Variants in ASAP2 observed in about 807,000 individuals in gnomAD.
ASAP2 encodes arf-GAP with SH3 domain, ANK repeat and PH domain-containing protein 2.
In ASAP2, 45 loss-of-function variants were observed where a neutral mutation model predicts 131.4. The observed-to-expected ratio is 0.34, with a 90% CI of 0.27 to 0.44. The LOEUF (loss-of-function observed/expected upper bound fraction) is 0.44. Among genes scored for constraint, ASAP2 ranks in the 20% least tolerant of loss-of-function variants. The pLI is 1.00. For synonymous variants in ASAP2, 510 were observed against 503.0 expected, an observed-to-expected ratio of 1.01 and a Z score of -0.19; for missense variants, 1,011 against 1,297.0, an observed-to-expected ratio of 0.78 and a Z score of 3.39.
chr2:9,243,573 C>T (rs1309987768), intron 1 of ASAP2, among the ~76,000 whole-genome samples: 2 of 152,146 alleles, frequency 1.3e-5, no homozygotes, highest in Non-Finnish European at 1.5e-5. Context: ...TATTAAAATA[C>T]TTCCTAGGTC....
chr2:9,228,354 T>G (rs1464997231), intron 1 of ASAP2, among the ~76,000 whole-genome samples: 3 of 152,210 alleles, frequency 2.0e-5, no homozygotes, highest in African/African-American at 7.2e-5. Flanking sequence ...CCTACTCACT[T>G]GGTGTTATCC....
rs139323215 is a variant in ASAP2 at position 9,259,795 on chromosome 2, C to T, written c.127-19522C>T. On this transcript the variant is annotated intron_variant, in intron 1 of 27. Transcript: ENST00000281419. Reference sequence around the variant, plus strand: ...CATCTGAGGCCGACAGGCAAAGTAGCCCTGCACATCTGGGGCCAGGGATGG... The same window carrying T: ...CATCTGAGGCCGACAGGCAAAGTAGTCCTGCACATCTGGGGCCAGGGATGG... Among the ~76,000 whole-genome samples the T allele has an allele frequency of 8.3e-4, 127 of 152,348 alleles. 1 individual carries two copies. The East Asian group carries it at 0.021, about 25-fold the overall frequency.
At position 9,404,470 on chromosome 2, in the gene ASAP2, A is replaced by G. The variant is rs1316444982; in HGVS notation, c.*1143A>G. 6.6e-6 allele frequency: 1 copy of G among 152,264 alleles called. No homozygotes were observed. Among genetic ancestry groups the G allele is most frequent in the Admixed American group, 6.5e-5 (1 of 15,284 alleles). 9.4% of individuals were successfully genotyped at this position (152,264 alleles called of 1,614,324 possible). On this transcript the variant is annotated 3_prime_UTR_variant, in exon 28 of 28. Transcript: ENST00000281419. ...GTAGTAGAGGATTAGGTTGTCTATT[A>G]TAAAACCAAAACTCATTCGTTTAAT...
At chr2:9,214,239 TC>T (rs1233382213) in intron 1 of ASAP2, among the ~76,000 whole-genome samples, 1 of 152,228 alleles carries the variant, frequency 6.6e-6, no homozygotes, top group African/African-American at 2.4e-5. Flanking sequence ...CTTTTCTTTT[TC>T]TTTTTTATTT....
chr2:9,277,962 A>G (rs1248102981), intron 1 of ASAP2, among the ~76,000 whole-genome samples: 1 of 152,214 alleles, frequency 6.6e-6, no homozygotes, highest in Non-Finnish European at 1.5e-5. Flanking sequence ...AAACTGGTTC[A>G]AAAGGTGATT....
chr2:9,242,255 A>C (rs781158585), intron 1 of ASAP2, among the ~76,000 whole-genome samples: 5 of 152,228 alleles, frequency 3.3e-5, no homozygotes, highest in Non-Finnish European at 7.3e-5. Flanking sequence ...GACCTGGTCC[A>C]TGGGAAGTGC....
intron 1 of ASAP2, among the ~76,000 whole-genome samples, chr2:9,235,519 G>A (rs935505041): frequency 1.3e-5 from 2 of 152,192 alleles, no homozygotes; most frequent in African/African-American, 4.8e-5. Context: ...TTGTATGGCC[G>A]GAGGCTCCTT....
Position 9,268,626 on chromosome 2 carries a change from G to A in ASAP2, c.127-10691G>A, listed in dbSNP as rs1300324057. Among the ~76,000 whole-genome samples, 1 of 152,226 alleles carries A rather than the reference G, an allele frequency of 6.6e-6. No homozygotes were observed. Among genetic ancestry groups the A allele is most frequent in the Non-Finnish European group, 1.5e-5 (1 of 68,048 alleles). ...CTTTCTGAAGAGTCGAATGCGTGGTGAGACAAAGCTGCCATCTGAATGTCT... is the reference window on the plus strand; with the variant it reads ...CTTTCTGAAGAGTCGAATGCGTGGTAAGACAAAGCTGCCATCTGAATGTCT... On this transcript the variant is annotated intron_variant, in intron 1 of 27. Transcript: ENST00000281419. This position sits in a 1 kb window ranked among gnomAD's most constrained non-coding sequence, Gnocchi z 4.1.
intron 22 of ASAP2, 124 bp from the exon 23 acceptor site, chr2:9,390,937 GA>G: frequency 7.0e-7 from 1 of 1,422,130 alleles, no homozygotes; most frequent in Non-Finnish European, 9.7e-7. Flanking sequence ...GTTCTAGGTA[GA>G]AGGGTCATAC....
chr2:9,256,945 G>A (rs1292392985), intron 1 of ASAP2, among the ~76,000 whole-genome samples: 1 of 152,196 alleles, frequency 6.6e-6, no homozygotes, highest in African/African-American at 2.4e-5. Context: ...GGGCTGGGAG[G>A]GGGCAGCACA....
chr2:9,381,836 C>T (rs1323363821), intron 20 of ASAP2, among the ~76,000 whole-genome samples: 2 of 152,100 alleles, frequency 1.3e-5, no homozygotes, highest in South Asian at 2.1e-4. Context: ...CTTAGGAGTT[C>T]AAGACTACAG....
intron 3 of ASAP2, among the ~76,000 whole-genome samples, chr2:9,307,215 G>A (rs903961217): frequency 2.6e-5 from 4 of 152,140 alleles, no homozygotes; most frequent in Admixed American, 1.3e-4. Context: ...TTCTGATTCC[G>A]CAGGTCTGGG....
At chr2:9,321,411 A>C (rs1001671336) in intron 5 of ASAP2, among the ~76,000 whole-genome samples, 14 of 152,166 alleles carry the variant, frequency 9.2e-5, no homozygotes, top group Non-Finnish European at 1.9e-4. Flanking sequence ...TTGACTAGAG[A>C]ACCCTGCAGG....
chr2:9,239,699 CGTT>C (rs1456128571), intron 1 of ASAP2, among the ~76,000 whole-genome samples: 2 of 151,902 alleles, frequency 1.3e-5, no homozygotes, highest in Non-Finnish European at 2.9e-5. Context: ...TTGTTGTTGT[CGTT>C]GTTGTTGAAA....
At chr2:9,400,861 T>G in intron 26 of ASAP2, 31 bp downstream of exon 26, 1 of 1,596,018 alleles carries the variant, frequency 6.3e-7, no homozygotes, top group Non-Finnish European at 8.6e-7. Context: ...CCTGCCTCTC[T>G]GCTCTAGCCA....
intron 9 of ASAP2, among the ~76,000 whole-genome samples, chr2:9,344,327 C>T (rs1671803440): frequency 6.6e-6 from 1 of 152,160 alleles, no homozygotes; most frequent in Non-Finnish European, 1.5e-5. Flanking sequence ...CCTGACATTT[C>T]CTTCTCCAGC....
chr2:9,402,358 G>A (rs1001585802), intron 27 of ASAP2, among the ~76,000 whole-genome samples: 3 of 152,190 alleles, frequency 2.0e-5, no homozygotes, highest in Non-Finnish European at 4.4e-5. Context: ...GCCTGGGCGC[G>A]GTGGCTCACG....
At chr2:9,382,313 TG>T (rs1353680859) in intron 20 of ASAP2, among the ~76,000 whole-genome samples, 1 of 152,202 alleles carries the variant, frequency 6.6e-6, no homozygotes, top group Non-Finnish European at 1.5e-5. Flanking sequence ...AGCTACCTTA[TG>T]ACATAGTTTC....
intron 1 of ASAP2, among the ~76,000 whole-genome samples, chr2:9,257,890 G>A (rs999278602): frequency 1.3e-5 from 2 of 152,114 alleles, no homozygotes; most frequent in Non-Finnish European, 2.9e-5. Flanking sequence ...TTACCTATGT[G>A]GCCTTGGAAA....
Sources: gnomAD v4.1 joint callset for allele counts (sites outside exome capture counted in the v4.1 genomes callset) on GRCh38, gnomAD v4.1.1 for gene constraint, Gnocchi (gnomAD v3.1) non-coding constraint, MANE v1.5 for transcripts, NCBI Gene and HGNC (gene_info 2026-07-23, HGNC 2026-07-21) for gene names.